The following BST1 variants were observed in gnomAD, a reference collection of about 807,000 sequenced individuals.
The protein encoded by BST1 is bone marrow stromal cell antigen 1.
In BST1, 49 loss-of-function variants were observed where a neutral mutation model predicts 40.6. The ratio of observed to expected loss-of-function variants is 1.21; its 90% CI spans 0.96 to 1.53. BST1 has a LOEUF of 1.53. BST1 is among the 40% of genes most tolerant of loss of function. The pLI is 0.00. For synonymous variants in BST1, 157 were observed against 159.3 expected, an observed-to-expected ratio of 0.99 and a Z score of 0.11; for missense variants, 423 against 395.9, an observed-to-expected ratio of 1.07 and a Z score of -0.58.
At chr4:15,754,212 C>T in the BST1 span, among the ~76,000 whole-genome samples, 9 of 152,008 alleles carry the variant, frequency 5.9e-5, no homozygotes, top group Admixed American at 6.6e-5. Context: ...CACGAAGACC[C>T]CCGGAAATAT....
the BST1 span, among the ~76,000 whole-genome samples, chr4:15,747,618 C>A: frequency 1.3e-5 from 2 of 152,230 alleles, no homozygotes; most frequent in Non-Finnish European, 2.9e-5. Flanking sequence ...GTAAGCTTAT[C>A]TCCCTGAGCC....
At chr4:15,771,191 C>T in the BST1 span, among the ~76,000 whole-genome samples, 44 of 151,266 alleles carry the variant, frequency 2.9e-4, no homozygotes, top group Non-Finnish European at 5.0e-4. Flanking sequence ...GAGTGTCTAG[C>T]GTGTTCTAGG....
the BST1 span, among the ~76,000 whole-genome samples, chr4:15,769,676 A>G: frequency 6.6e-6 from 1 of 152,044 alleles, no homozygotes; most frequent in Non-Finnish European, 1.5e-5. Context: ...CTCTATATAT[A>G]TATGTATATA....
At chr4:15,739,447 G>A (rs1721683593), downstream of BST1, among the ~76,000 whole-genome samples, 1 of 152,022 alleles carries the variant, frequency 6.6e-6, no homozygotes, top group African/African-American at 2.4e-5. Flanking sequence ...TGGTTCTTTG[G>A]AACTTCTTTT....
downstream of BST1, among the ~76,000 whole-genome samples, chr4:15,740,074 G>T (rs746758261): frequency 1.3e-5 from 2 of 152,074 alleles, no homozygotes; most frequent in South Asian, 2.1e-4. Context: ...GGGCAGGGGG[G>T]ACTGAATCTC....
chr4:15,739,513 GACTT>G (rs964448438), downstream of BST1, among the ~76,000 whole-genome samples: 17 of 151,464 alleles, frequency 1.1e-4, no homozygotes, highest in Admixed American at 5.3e-4. Context: ...TCACTGAAAT[GACTT>G]ACTTATTTGA....
At chr4:15,748,966 C>T in the BST1 span, among the ~76,000 whole-genome samples, 19 of 152,068 alleles carry the variant, frequency 1.2e-4, no homozygotes, top group East Asian at 1.9e-4. Context: ...GAGGATGAGA[C>T]GAGGGAGGGA....
At chr4:15,742,303 G>C, downstream of BST1, among the ~76,000 whole-genome samples, 1 of 152,158 alleles carries the variant, frequency 6.6e-6, no homozygotes, top group East Asian at 1.9e-4. Context: ...TTGGGGATGG[G>C]TGTGTGAGTT....
chr4:15,762,580 C>A, the BST1 span, among the ~76,000 whole-genome samples: 1 of 152,040 alleles, frequency 6.6e-6, no homozygotes, highest in South Asian at 2.1e-4. Context: ...ACTTTTTGAC[C>A]ATTTCACCAT....
chr4:15,744,242 A>G, the BST1 span, among the ~76,000 whole-genome samples: 1 of 152,160 alleles, frequency 6.6e-6, no homozygotes, highest in South Asian at 2.1e-4. Context: ...GCACACTGCT[A>G]TAAAGAGCAG....
rs1320435307 is a variant in BST1, at chr4:15,703,183, G to A, written c.39G>A (p.Gln13=). 6 of 1,561,328 alleles carry A rather than the reference G, an allele frequency of 3.8e-6. No individual in the cohort carries two copies. In the African/African-American group the frequency reaches 8.2e-5, roughly 21 times the overall value. Residue 13 remains glutamine, a synonymous_variant, in exon 1 of 9, where the codon CAG becomes CAA. Transcript: ENST00000265016. ...GGTGCGCGGCATCGCGGCTGCTCCA[G>A]CTGCTGCTGCAGCTTCTGCTTCTAC... ...AQGCAASRLL[Q]LLLQLLLLLL...
At chr4:15,757,101 C>T in the BST1 span, among the ~76,000 whole-genome samples, 4 of 152,250 alleles carry the variant, frequency 2.6e-5, no homozygotes, top group African/African-American at 9.6e-5. Flanking sequence ...ACAAGACAAA[C>T]TTTTATTCAC....
downstream of BST1, chr4:15,736,129 A>G: frequency 2.3e-6 from 3 of 1,288,436 alleles, no homozygotes; most frequent in Non-Finnish European, 3.0e-6. Flanking sequence ...GCCTTTGTAC[A>G]AGGTAAATCA....
chr4:15,726,477 G>T (rs534577777), intron 8 of BST1, among the ~76,000 whole-genome samples: 2 of 152,316 alleles, frequency 1.3e-5, no homozygotes, highest in African/African-American at 2.4e-5. Context: ...GTGCCCAGAG[G>T]CTGCATATGC....
downstream of BST1, among the ~76,000 whole-genome samples, chr4:15,736,300 C>T (rs189809006): frequency 3.9e-5 from 6 of 152,142 alleles, no homozygotes; most frequent in Admixed American, 1.3e-4. Context: ...CTACCCTTGG[C>T]AAGACAAATT....
chr4:15,705,544 C>A lies in BST1; in HGVS notation c.218C>A (p.Ala73Asp), dbSNP rs1379012280. The change falls in exon 2 of 9, where the codon GCC becomes GAC. Residue 73 changes from alanine (A) to aspartate (D), a missense_variant. Ala to Asp is a moderately radical substitution (Grantham distance 126, BLOSUM62 -2). Transcript: ENST00000265016. ...AAGAACTGCACAGCCATCTGGGAAG[C>A]CTTTAAAGTGGCGCTGGACAAGGAT... ...RNKNCTAIWEAFKVALDKDPC... is the reference protein window; with the variant it reads ...RNKNCTAIWEDFKVALDKDPC... 4 of 1,603,060 alleles carry A rather than the reference C, an allele frequency of 2.5e-6. No individual in the cohort carries two copies. In the Admixed American group the frequency reaches 5.2e-5, roughly 21 times the overall value.
At chr4:15,768,910 G>A in the BST1 span, among the ~76,000 whole-genome samples, 1 of 152,146 alleles carries the variant, frequency 6.6e-6, no homozygotes, top group East Asian at 1.9e-4. Flanking sequence ...TTCCCACTAT[G>A]GGGCATAAAT....
intron 1 of BST1, among the ~76,000 whole-genome samples, chr4:15,704,676 C>A (rs1185802204): frequency 6.6e-6 from 1 of 151,992 alleles, no homozygotes; most frequent in Non-Finnish European, 1.5e-5. Flanking sequence ...CAGCCCATTG[C>A]CACCCAGCAG....
At chr4:15,743,356 C>A in the BST1 span, 20 of 341,612 alleles carry the variant, frequency 5.9e-5, no homozygotes, top group African/African-American at 8.8e-5. Flanking sequence ...ATCATGACTT[C>A]GGTGGATGAG....
Sources: allele counts gnomAD v4.1 joint callset (sites outside exome capture counted in the v4.1 genomes callset), GRCh38; gene constraint gnomAD v4.1.1; transcripts MANE v1.5; gene names NCBI Gene and HGNC (gene_info 2026-07-23, HGNC 2026-07-21).